NEDD4L: variants seen among roughly 807,000 people sequenced by gnomAD.
The protein encoded by NEDD4L is NEDD4 like E3 ubiquitin protein ligase, also known as E3 ubiquitin-protein ligase NEDD4-like.
In NEDD4L, 54 loss-of-function variants were observed where a neutral mutation model predicts 148.9. The observed-to-expected ratio is 0.36, with a 90% CI of 0.29 to 0.45. NEDD4L has a LOEUF of 0.45. NEDD4L is among the 20% of genes least tolerant of loss of function. The pLI, the probability that NEDD4L is intolerant of heterozygous loss-of-function variation, is 1.00. For synonymous variants in NEDD4L, 433 were observed against 440.7 expected (o/e 0.98, Z 0.22); for missense variants, 856 against 1,233.8 (o/e 0.69, Z 4.59).
chr18:58,210,479 G>T (rs758019447), intron 2 of NEDD4L, among the ~76,000 whole-genome samples: 1 of 151,664 alleles, frequency 6.6e-6, no homozygotes, highest in Non-Finnish European at 1.5e-5. Context: ...ATGGAGTTTC[G>T]CTCTTGTTGC....
At chr18:58,314,277 C>T (rs756485933) in intron 5 of NEDD4L, among the ~76,000 whole-genome samples, 3 of 152,060 alleles carry the variant, frequency 2.0e-5, no homozygotes, top group East Asian at 1.9e-4. Context: ...ATTAGCTGGG[C>T]GTGGTGGTGT....
At chr18:58,348,448 C>A (rs1052548967) in intron 16 of NEDD4L, among the ~76,000 whole-genome samples, 1 of 147,154 alleles carries the variant, frequency 6.8e-6, no homozygotes, top group Non-Finnish European at 1.5e-5. Flanking sequence ...TCTCCTAACT[C>A]AGCCTCCCGA....
intron 5 of NEDD4L, among the ~76,000 whole-genome samples, chr18:58,303,808 A>G (rs2056767467): frequency 6.6e-6 from 1 of 152,232 alleles, no homozygotes; most frequent in African/African-American, 2.4e-5. Flanking sequence ...AGCATGGAAG[A>G]GATTCTGGTT....
chr18:58,119,651 C>T (rs934607497), intron 1 of NEDD4L, among the ~76,000 whole-genome samples: 1 of 152,234 alleles, frequency 6.6e-6, no homozygotes, highest in Admixed American at 6.5e-5. Context: ...TGGGACTGGA[C>T]GACTGAGAGT....
At chr18:58,290,833 G>A (rs1294428557) in intron 5 of NEDD4L, among the ~76,000 whole-genome samples, 1 of 151,962 alleles carries the variant, frequency 6.6e-6, no homozygotes, top group Non-Finnish European at 1.5e-5. Flanking sequence ...TTTTTCCTCT[G>A]GATGTCCACT....
At chr18:58,165,738 T>A (rs1274751364) in intron 1 of NEDD4L, 50 bp from the exon 2 acceptor site, 4 of 1,514,308 alleles carry the variant, frequency 2.6e-6, no homozygotes, top group Non-Finnish European at 3.7e-6. Context: ...GAGAGAGTGA[T>A]TGATTGAAGA....
chr18:58,329,211 T>G, intron 10 of NEDD4L, 84 bp downstream of exon 10: 1 of 1,419,812 alleles, frequency 7.0e-7, no homozygotes, highest in Non-Finnish European at 9.7e-7. Flanking sequence ...TAATTTCTTC[T>G]GTCAGTAAAC....
At chr18:58,345,048 T>C (rs543833790) in intron 16 of NEDD4L, among the ~76,000 whole-genome samples, 1 of 152,380 alleles carries the variant, frequency 6.6e-6, no homozygotes, top group East Asian at 1.9e-4. Context: ...GCTTGCAACA[T>C]TGCTGAATGA....
At chr18:58,076,427 T>C (rs1426734968) in intron 1 of NEDD4L, among the ~76,000 whole-genome samples, 1 of 152,184 alleles carries the variant, frequency 6.6e-6, no homozygotes, top group East Asian at 1.9e-4. Flanking sequence ...GGCTTGAGTC[T>C]ATTAACCAGA....
chr18:58,210,289 A>G (rs1248345529), intron 2 of NEDD4L, among the ~76,000 whole-genome samples: 1 of 152,260 alleles, frequency 6.6e-6, no homozygotes, highest in Non-Finnish European at 1.5e-5. Context: ...ATTTGAAAAT[A>G]TAGGGCTGAC....
chr18:58,386,944 C>T (rs182872059), intron 26 of NEDD4L, among the ~76,000 whole-genome samples: 4 of 152,344 alleles, frequency 2.6e-5, no homozygotes, highest in Admixed American at 1.3e-4. Context: ...GCGCGCAGGG[C>T]CCAGCAGAGC....
At chr18:58,064,696 G>A (rs1419905952) in intron 1 of NEDD4L, among the ~76,000 whole-genome samples, 1 of 152,148 alleles carries the variant, frequency 6.6e-6, no homozygotes, top group South Asian at 2.1e-4. Flanking sequence ...AGAAATCATG[G>A]GGAAGTACTC....
At chr18:58,220,597 T>G (rs949371756) in intron 2 of NEDD4L, among the ~76,000 whole-genome samples, 2 of 152,232 alleles carry the variant, frequency 1.3e-5, no homozygotes, top group Middle Eastern at 6.8e-3. Context: ...CAAGTCTAGT[T>G]TACAGGGTTT....
At chr18:58,311,652 C>T (rs568149913) in intron 5 of NEDD4L, among the ~76,000 whole-genome samples, 28 of 152,324 alleles carry the variant, frequency 1.8e-4, no homozygotes, top group East Asian at 1.7e-3. Flanking sequence ...TAGTAAGATT[C>T]GAATCACATC....
At chr18:58,118,640 G>A (rs1439317441) in intron 1 of NEDD4L, among the ~76,000 whole-genome samples, 1 of 152,076 alleles carries the variant, frequency 6.6e-6, no homozygotes. Context: ...GTGTGTGTGT[G>A]GCGGGGTGGT....
At chr18:58,394,739 G>T (rs2050264525) in intron 30 of NEDD4L, among the ~76,000 whole-genome samples, 1 of 152,216 alleles carries the variant, frequency 6.6e-6, no homozygotes, top group African/African-American at 2.4e-5. Flanking sequence ...ATATTTAGTG[G>T]TTGTTAAACG....
At chr18:58,374,388 A>G (rs2047271832) in intron 24 of NEDD4L, among the ~76,000 whole-genome samples, 1 of 152,128 alleles carries the variant, frequency 6.6e-6, no homozygotes, top group Non-Finnish European at 1.5e-5. Context: ...ACCAGAGGCA[A>G]GAGACCTTGT....
chr18:58,174,110 A>G (rs941969532), intron 2 of NEDD4L, among the ~76,000 whole-genome samples: 2 of 151,566 alleles, frequency 1.3e-5, no homozygotes, highest in African/African-American at 4.8e-5. Flanking sequence ...GAATGAGGAT[A>G]TGCTGGACAT....
chr18:58,129,584 A>G (rs2031715415), intron 1 of NEDD4L, among the ~76,000 whole-genome samples: 1 of 152,216 alleles, frequency 6.6e-6, no homozygotes, highest in African/African-American at 2.4e-5. Flanking sequence ...TGGGAGATCA[A>G]CAAATGATTT....
Sources: gnomAD v4.1 joint callset for allele counts (sites outside exome capture counted in the v4.1 genomes callset) on GRCh38, gnomAD v4.1.1 for gene constraint, MANE v1.5 for transcripts, NCBI Gene and HGNC (gene_info 2026-07-23, HGNC 2026-07-21) for gene names.